LRMDA: variants seen among roughly 807,000 people sequenced by gnomAD.
The protein encoded by LRMDA is leucine-rich melanocyte differentiation-associated protein.
LRMDA carries 18 observed loss-of-function variants against 29.8 expected under a neutral mutation model. That is an observed-to-expected ratio of 0.60 (90% CI 0.42 to 0.90). The LOEUF is 0.90. Ranked by LOEUF, LRMDA falls within the 40% of genes least tolerant of loss-of-function variation. The pLI is 0.00. For synonymous variants in LRMDA, 125 were observed against 109.4 expected (o/e 1.14, Z -0.89); for missense variants, 273 against 273.9 (o/e 1.00, Z 0.02).
At chr10:76,020,336 G>T (rs1847952955) in intron 2 of LRMDA, among the ~76,000 whole-genome samples, 1 of 152,174 alleles carries the variant, frequency 6.6e-6, no homozygotes, top group Admixed American at 6.5e-5. Context: ...AGAGAGTGGG[G>T]ATCTATGGAA....
At chr10:75,695,771 T>G (rs1320846678) in intron 2 of LRMDA, among the ~76,000 whole-genome samples, 1 of 152,226 alleles carries the variant, frequency 6.6e-6, no homozygotes, top group African/African-American at 2.4e-5. Context: ...CCTGATTTTT[T>G]TTCCTCTTAA....
At chr10:75,772,442 A>G (rs898404481) in intron 2 of LRMDA, among the ~76,000 whole-genome samples, 1 of 152,148 alleles carries the variant, frequency 6.6e-6, no homozygotes, top group Admixed American at 6.5e-5. Flanking sequence ...CTTTTGCAGA[A>G]GTTTCGGTTT....
At chr10:76,455,465 C>T (rs16933556) in intron 6 of LRMDA, among the ~76,000 whole-genome samples, 4,078 of 152,168 alleles carry the variant, frequency 0.027, 140 homozygotes, top group African/African-American at 0.072. Flanking sequence ...TTGATATTAG[C>T]CAGGGCCTTT....
At chr10:76,244,241 A>G (rs1263431861) in intron 5 of LRMDA, among the ~76,000 whole-genome samples, 1 of 152,176 alleles carries the variant, frequency 6.6e-6, no homozygotes, top group Admixed American at 6.5e-5. Flanking sequence ...GGACCGTGAA[A>G]GCTCACCCAA....
intron 2 of LRMDA, among the ~76,000 whole-genome samples, chr10:75,814,945 T>G (rs1473849572): frequency 1.3e-5 from 2 of 152,240 alleles, no homozygotes; most frequent in African/African-American, 4.8e-5. Context: ...CTCTTCTGTT[T>G]ACAATAATAT....
intron 6 of LRMDA, among the ~76,000 whole-genome samples, chr10:76,450,678 C>T (rs1842397136): frequency 6.6e-6 from 1 of 152,066 alleles, no homozygotes; most frequent in African/African-American, 2.4e-5. Context: ...TATTATTTTA[C>T]ATTGTTTCAG....
At chr10:76,109,464 T>C (rs1849540536) in intron 5 of LRMDA, among the ~76,000 whole-genome samples, 1 of 152,226 alleles carries the variant, frequency 6.6e-6, no homozygotes. Flanking sequence ...TTTCCTTCTT[T>C]ATCTTGCATA....
intron 2 of LRMDA, among the ~76,000 whole-genome samples, chr10:75,858,482 A>G (rs1844865462): frequency 6.6e-6 from 1 of 152,160 alleles, no homozygotes; most frequent in African/African-American, 2.4e-5. Flanking sequence ...TATTTAGCTA[A>G]TACTTCACAT....
chr10:75,460,890 CTTTG>C (rs766816131), intron 2 of LRMDA, among the ~76,000 whole-genome samples: 9 of 152,206 alleles, frequency 5.9e-5, no homozygotes, highest in South Asian at 2.1e-4. Flanking sequence ...TGATGAACAT[CTTTG>C]TTTGTAAATC....
At chr10:76,485,877 T>C (rs1842778484) in intron 6 of LRMDA, among the ~76,000 whole-genome samples, 1 of 151,882 alleles carries the variant, frequency 6.6e-6, no homozygotes, top group Non-Finnish European at 1.5e-5. Flanking sequence ...TTAGAAGCTT[T>C]AGTTTGGGAC....
chr10:75,683,004 C>T (rs897198249), intron 2 of LRMDA, among the ~76,000 whole-genome samples: 2 of 152,192 alleles, frequency 1.3e-5, no homozygotes, highest in Admixed American at 6.5e-5. Flanking sequence ...CTTTAATTCA[C>T]GATGTTCGAG....
At chr10:76,291,927 CACG>C (rs1437433958) in intron 5 of LRMDA, among the ~76,000 whole-genome samples, 3 of 111,208 alleles carry the variant, frequency 2.7e-5, no homozygotes, top group Non-Finnish European at 5.2e-5. Context: ...CACACACACA[CACG>C]TGCACACACA....
At chr10:75,683,471 A>C (rs532502053) in intron 2 of LRMDA, among the ~76,000 whole-genome samples, 1 of 152,262 alleles carries the variant, frequency 6.6e-6, no homozygotes, top group Non-Finnish European at 1.5e-5. Context: ...TATCACACTC[A>C]GTACAGTATT....
At chr10:75,922,645 C>G (rs1028351718) in intron 2 of LRMDA, among the ~76,000 whole-genome samples, 2 of 152,188 alleles carry the variant, frequency 1.3e-5, no homozygotes, top group African/African-American at 2.4e-5. Context: ...CTACTTCCCA[C>G]TGTGGGCATA....
chr10:76,420,222 G>T (rs1170425833), intron 6 of LRMDA, among the ~76,000 whole-genome samples: 1 of 151,792 alleles, frequency 6.6e-6, no homozygotes, highest in East Asian at 1.9e-4. Flanking sequence ...TTTAATTACA[G>T]ATTTAATTTC....
At chr10:75,640,042 T>C (rs1841433468) in intron 2 of LRMDA, among the ~76,000 whole-genome samples, 1 of 152,272 alleles carries the variant, frequency 6.6e-6, no homozygotes, top group South Asian at 2.1e-4. Flanking sequence ...ATCCATCTGC[T>C]TAGTCTGGGG....
rs532177141 is a variant in LRMDA at position 75,786,462 on chromosome 10, C to G, written c.132-249546C>G. Reference sequence around the variant, plus strand: ...CATGACTGTCCAGTATTATCCTTACCCCTCTCTAGTTTTCTTCTCTTTACT... The same window carrying G: ...CATGACTGTCCAGTATTATCCTTACGCCTCTCTAGTTTTCTTCTCTTTACT... On this transcript the variant is annotated intron_variant, in intron 2 of 6. Transcript: ENST00000611255. Among the ~76,000 whole-genome samples, 6 of 152,032 alleles carry G rather than the reference C, an allele frequency of 3.9e-5. No homozygotes were observed. The South Asian group carries it at 1.3e-3, about 32-fold the overall frequency.
At chr10:75,825,799 A>C (rs1844237778) in intron 2 of LRMDA, among the ~76,000 whole-genome samples, 1 of 152,210 alleles carries the variant, frequency 6.6e-6, no homozygotes, top group Non-Finnish European at 1.5e-5. Context: ...AGCCAGCCAG[A>C]TACATAGGCA....
chr10:75,711,794 G>T (rs1156756100), intron 2 of LRMDA, among the ~76,000 whole-genome samples: 2 of 152,046 alleles, frequency 1.3e-5, no homozygotes, highest in East Asian at 3.9e-4. Flanking sequence ...TTGTTGCTAG[G>T]TAACTATTTT....
Sources: gnomAD v4.1 joint callset for allele counts (sites outside exome capture counted in the v4.1 genomes callset) on GRCh38, gnomAD v4.1.1 for gene constraint, MANE v1.5 for transcripts, NCBI Gene and HGNC (gene_info 2026-07-23, HGNC 2026-07-21) for gene names.